MYO3B: variants seen among roughly 807,000 people sequenced by gnomAD.
MYO3B encodes the protein myosin-IIIb.
A neutral mutation model predicts 174.6 loss-of-function variants in MYO3B; 156 were observed. The ratio of observed to expected loss-of-function variants is 0.89; its 90% CI spans 0.78 to 1.02. MYO3B has a LOEUF of 1.02. Ranked by LOEUF, MYO3B falls within the 50% of genes least tolerant of loss-of-function variation. The pLI, the probability that MYO3B is intolerant of heterozygous loss-of-function variation, is 0.00. For synonymous variants in MYO3B, 563 were observed against 569.1 expected, an observed-to-expected ratio of 0.99 and a Z score of 0.15; for missense variants, 1,632 against 1,639.4, an observed-to-expected ratio of 1.00 and a Z score of 0.08.
intron 7 of MYO3B, among the ~76,000 whole-genome samples, chr2:170,264,736 C>T (rs1385413451): frequency 6.6e-6 from 1 of 152,136 alleles, no homozygotes; most frequent in Non-Finnish European, 1.5e-5. Flanking sequence ...CTGTCTTATG[C>T]TCTTAAAGGA....
chr2:170,521,262 C>T (rs1448110241), intron 30 of MYO3B, among the ~76,000 whole-genome samples: 1 of 152,128 alleles, frequency 6.6e-6, no homozygotes, highest in Non-Finnish European at 1.5e-5. Context: ...CAGAATAGCT[C>T]ATTTAAGGGC....
intron 30 of MYO3B, among the ~76,000 whole-genome samples, chr2:170,542,579 A>G (rs1249933771): frequency 6.6e-6 from 1 of 152,202 alleles, no homozygotes; most frequent in Non-Finnish European, 1.5e-5. Context: ...TAGCCTTAGC[A>G]TCCATTTAGT....
At chr2:170,424,059 G>A (rs1225023713) in intron 22 of MYO3B, among the ~76,000 whole-genome samples, 1 of 152,232 alleles carries the variant, frequency 6.6e-6, no homozygotes, top group Admixed American at 6.5e-5. Flanking sequence ...AAGGAACATT[G>A]TTTATGAATA....
chr2:170,606,400 C>A (rs58991963), intron 32 of MYO3B, among the ~76,000 whole-genome samples: 6,476 of 152,300 alleles, frequency 0.043, 485 homozygotes, highest in African/African-American at 0.15. Flanking sequence ...GCCTAGAACA[C>A]TTTTCTCATT....
At chr2:170,514,394 C>A (rs1320779903) in intron 28 of MYO3B, among the ~76,000 whole-genome samples, 1 of 152,164 alleles carries the variant, frequency 6.6e-6, no homozygotes, top group Non-Finnish European at 1.5e-5. Flanking sequence ...TCCCTGACAG[C>A]ATAATAAAAA....
chr2:170,320,449 C>A (rs186018388), intron 7 of MYO3B, among the ~76,000 whole-genome samples: 1 of 152,096 alleles, frequency 6.6e-6, no homozygotes, highest in Non-Finnish European at 1.5e-5. Flanking sequence ...ACATTGGTTG[C>A]AAAAGTTATT....
At chr2:170,360,086 C>T (rs929523887) in intron 8 of MYO3B, among the ~76,000 whole-genome samples, 1 of 152,108 alleles carries the variant, frequency 6.6e-6, no homozygotes, top group Admixed American at 6.6e-5. Context: ...TAGCCCCAAC[C>T]CCAGTTCTGG....
chr2:170,335,920 G>A (rs1385203695), intron 8 of MYO3B, among the ~76,000 whole-genome samples: 1 of 152,116 alleles, frequency 6.6e-6, no homozygotes, highest in African/African-American at 2.4e-5. Flanking sequence ...TCAGGCTTGG[G>A]GTACCAAGGT....
intron 3 of MYO3B, among the ~76,000 whole-genome samples, chr2:170,210,826 T>G (rs1026742131): frequency 1.3e-5 from 2 of 152,220 alleles, no homozygotes; most frequent in African/African-American, 4.8e-5. Flanking sequence ...AAAAAAAATT[T>G]GATCCAAGCA....
rs1013036107 is a variant in MYO3B at position 170,357,391 on chromosome 2, A to G, written c.816-11831A>G. On this transcript the variant is annotated intron_variant, in intron 8 of 34. Transcript: ENST00000408978. ...TATTTATATGTGTATTATATATTAT[A>G]TTTTATATATATGTATATAACTGAC... Among the ~76,000 whole-genome samples, 13 of 148,004 alleles carry G rather than the reference A, an allele frequency of 8.8e-5. 1 individual carries two copies. In the East Asian group the frequency reaches 2.3e-3, roughly 27 times the overall value.
chr2:170,383,930 A>G (rs530935686), intron 12 of MYO3B, 116 bp downstream of exon 12: 1 of 768,350 alleles, frequency 1.3e-6, no homozygotes, highest in East Asian at 2.5e-5. Context: ...TGCTGACCCA[A>G]AGAGACAGGA....
chr2:170,439,943 G>A (rs1559002616), intron 22 of MYO3B, among the ~76,000 whole-genome samples: 1 of 152,160 alleles, frequency 6.6e-6, no homozygotes, highest in Non-Finnish European at 1.5e-5. Flanking sequence ...GCTTCCCAAA[G>A]TGCTGGGATT....
intron 7 of MYO3B, among the ~76,000 whole-genome samples, chr2:170,241,185 G>C (rs962061299): frequency 1.3e-5 from 2 of 150,742 alleles, no homozygotes; most frequent in African/African-American, 2.4e-5. Context: ...ATGGAAATCT[G>C]TTTCTGGCAT....
chr2:170,632,190 G>C (rs1369779543), intron 32 of MYO3B, among the ~76,000 whole-genome samples: 1 of 152,146 alleles, frequency 6.6e-6, no homozygotes, highest in Admixed American at 6.5e-5. Context: ...ATTCTTTTCA[G>C]CACCACATCG....
chr2:170,633,663 A>G (rs187408998), intron 32 of MYO3B, among the ~76,000 whole-genome samples: 1 of 152,334 alleles, frequency 6.6e-6, no homozygotes, highest in Admixed American at 6.5e-5. Flanking sequence ...TTCAGTTAGG[A>G]AAAAAGGAAG....
chr2:170,322,129 A>G (rs1223188999), intron 7 of MYO3B, among the ~76,000 whole-genome samples: 1 of 151,856 alleles, frequency 6.6e-6, no homozygotes, highest in Non-Finnish European at 1.5e-5. Context: ...AAAAAAAAAA[A>G]AAAGAGTAGC....
At chr2:170,573,312 A>T (rs1692569978) in intron 32 of MYO3B, among the ~76,000 whole-genome samples, 1 of 151,902 alleles carries the variant, frequency 6.6e-6, no homozygotes, top group Non-Finnish European at 1.5e-5. Flanking sequence ...TTATCTAATA[A>T]CTAGTAGGAT....
intron 30 of MYO3B, among the ~76,000 whole-genome samples, chr2:170,527,617 C>T (rs1689086691): frequency 1.3e-5 from 2 of 152,188 alleles, no homozygotes; most frequent in South Asian, 2.1e-4. Context: ...GTCTGCAGAG[C>T]ACCATCTAGG....
At chr2:170,324,794 C>T (rs1013332530) in intron 7 of MYO3B, among the ~76,000 whole-genome samples, 2 of 152,234 alleles carry the variant, frequency 1.3e-5, no homozygotes, top group African/African-American at 2.4e-5. Flanking sequence ...AACGCTCTTG[C>T]AGGTTTCAGT....
Sources: gnomAD v4.1 joint callset for allele counts (sites outside exome capture counted in the v4.1 genomes callset) on GRCh38, gnomAD v4.1.1 for gene constraint, MANE v1.5 for transcripts, NCBI Gene and HGNC (gene_info 2026-07-23, HGNC 2026-07-21) for gene names.